Variants in HERC1 observed in about 807,000 individuals in gnomAD.
HERC1 encodes the protein probable E3 ubiquitin-protein ligase HERC1.
HERC1 carries 160 observed loss-of-function variants against 554.3 expected under a neutral mutation model. The ratio of observed to expected loss-of-function variants is 0.29; its 90% CI spans 0.25 to 0.33. The LOEUF is 0.33. HERC1 is among the 10% of genes least tolerant of loss of function. The probability of loss-of-function intolerance (pLI) is 1.00; values close to 1 mark genes in which losing one functional copy is unlikely to be tolerated. For synonymous variants in HERC1, 2,175 were observed against 2,131.7 expected (o/e 1.02, Z -0.56); for missense variants, 4,919 against 5,918.5 (o/e 0.83, Z 5.54).
At chr15:63,821,370 T>C (rs1037294596) in intron 1 of HERC1, among the ~76,000 whole-genome samples, 1 of 151,500 alleles carries the variant, frequency 6.6e-6, no homozygotes, top group Non-Finnish European at 1.5e-5. Context: ...CTGACCAACA[T>C]AGCAAAACCC....
chr15:63,744,164 G>GTGTGTCTCTCTCTCTCTCTCTCTC, intron 12 of HERC1, among the ~76,000 whole-genome samples: 13 of 46,208 alleles, frequency 2.8e-4, no homozygotes, highest in Non-Finnish European at 5.8e-4. Context: ...GTGTGTGTGT[G>GTGTGTCTCTCTCTCTCTCTCTCTC]TCTCTCTCTC....
At chr15:63,784,960 C>T (rs1430031136) in intron 1 of HERC1, among the ~76,000 whole-genome samples, 1 of 152,062 alleles carries the variant, frequency 6.6e-6, no homozygotes, top group South Asian at 2.1e-4. Context: ...CAAAACAAGG[C>T]AAAACCTAAA....
intron 24 of HERC1, among the ~76,000 whole-genome samples, chr15:63,708,036 G>C (rs554768274): frequency 1.3e-5 from 2 of 151,282 alleles, no homozygotes; most frequent in Non-Finnish European, 2.9e-5. Context: ...TGTACCCCTG[G>C]TGCAGATAAA....
At chr15:63,621,121 G>A (rs914226171) in intron 74 of HERC1, among the ~76,000 whole-genome samples, 7 of 152,262 alleles carry the variant, frequency 4.6e-5, no homozygotes, top group African/African-American at 1.7e-4. Context: ...TGTTTTTGCA[G>A]TGGCTGGTAC....
At chr15:63,679,444 G>A (rs909743991) in intron 36 of HERC1, among the ~76,000 whole-genome samples, 1 of 152,150 alleles carries the variant, frequency 6.6e-6, no homozygotes, top group East Asian at 1.9e-4. Flanking sequence ...AAACCTGAAA[G>A]CTTCTACTAC....
At chr15:63,760,871 C>T (rs2075588643) in intron 3 of HERC1, among the ~76,000 whole-genome samples, 1 of 151,986 alleles carries the variant, frequency 6.6e-6, no homozygotes, top group African/African-American at 2.4e-5. Context: ...AATATCAAGA[C>T]ATATTCTATA....
intron 22 of HERC1, among the ~76,000 whole-genome samples, chr15:63,715,517 T>A (rs914675682): frequency 6.6e-6 from 1 of 152,210 alleles, no homozygotes; most frequent in African/African-American, 2.4e-5. Context: ...TAGTCTTGTT[T>A]CAAGCCCCCT....
At chr15:63,622,790 A>T in intron 74 of HERC1, 25 bp downstream of exon 74, 1 of 1,536,682 alleles carries the variant, frequency 6.5e-7, no homozygotes, top group South Asian at 1.2e-5. Flanking sequence ...TTAGACATAT[A>T]ATGAACACTT....
intron 51 of HERC1, among the ~76,000 whole-genome samples, chr15:63,653,523 T>C (rs1393228311): frequency 6.6e-6 from 1 of 152,212 alleles, no homozygotes; most frequent in Non-Finnish European, 1.5e-5. Flanking sequence ...GTGAGGCCAA[T>C]TTCTTTTCCT....
chr15:63,712,304 A>C (rs2073338965), intron 24 of HERC1, among the ~76,000 whole-genome samples: 1 of 152,220 alleles, frequency 6.6e-6, no homozygotes, highest in African/African-American at 2.4e-5. Flanking sequence ...AGGAGAGGAC[A>C]TTGGAGACAC....
At chr15:63,773,154 C>T (rs1360439904) in intron 2 of HERC1, among the ~76,000 whole-genome samples, 1 of 152,076 alleles carries the variant, frequency 6.6e-6, no homozygotes, top group Non-Finnish European at 1.5e-5. Context: ...AAAGACTAAT[C>T]AATGTAGGCC....
chr15:63,627,700 C>T (rs919287685), intron 70 of HERC1, among the ~76,000 whole-genome samples: 1 of 150,206 alleles, frequency 6.7e-6, no homozygotes, highest in Admixed American at 6.6e-5. Context: ...AGGAAACTGC[C>T]CAAATATGAA....
At chr15:63,707,928 C>CA (rs71131176) in intron 24 of HERC1, among the ~76,000 whole-genome samples, 783 of 54,880 alleles carry the variant, frequency 0.014, 12 homozygotes, top group East Asian at 0.066. Context: ...GACTCCCTCT[C>CA]AAAAAAAAAA....
chr15:63,714,119 G>A (rs985639294), intron 22 of HERC1, among the ~76,000 whole-genome samples: 5 of 151,898 alleles, frequency 3.3e-5, no homozygotes, highest in African/African-American at 1.2e-4. Flanking sequence ...AAAAGCCTGT[G>A]AAGCACAAGG....
chr15:63,811,258 C>T (rs191718488), intron 1 of HERC1, among the ~76,000 whole-genome samples: 38 of 152,240 alleles, frequency 2.5e-4, no homozygotes, highest in African/African-American at 7.7e-4. Flanking sequence ...TGTCCTTCTT[C>T]TTAGAAGATA....
chr15:63,661,906 G>A lies in HERC1; in HGVS notation c.9017C>T (p.Ala3006Val). 6.2e-7 allele frequency: 1 copy of A among 1,613,988 alleles called. No homozygotes were observed. Among genetic ancestry groups the A allele is most frequent in the Non-Finnish European group, 8.5e-7 (1 of 1,179,898 alleles). Residue 3006 changes from alanine to valine, a missense_variant, in exon 45 of 78, where the codon GCA (alanine) becomes GTA (valine). Physicochemically the swap from Ala to Val is moderately conservative, Grantham distance 64 (BLOSUM62 0). This residue lies in a region of HERC1 where 1,963 missense variants were observed against 2,228.6 expected (regional missense o/e 0.88). Coordinates refer to ENST00000443617, the MANE Select transcript of HERC1 (RefSeq NM_003922.4). Reference protein sequence around the residue: ...KRNHPGCGRSANRQGYRSNGS... With the variant: ...KRNHPGCGRSVNRQGYRSNGS... ...ATTGCTGCGATAGCCCTGGCGGTTT[G>A]CACTGCGCCCACAGCCTGGATGGTT...
intron 2 of HERC1, 54 bp downstream of exon 2, chr15:63,774,640 T>A (rs569225346): frequency 4.4e-6 from 6 of 1,353,828 alleles, no homozygotes; most frequent in Non-Finnish European, 3.0e-6. Flanking sequence ...AAAAACTGCA[T>A]TGACTTTTCC....
At chr15:63,670,915 C>T (rs938226711) in intron 39 of HERC1, among the ~76,000 whole-genome samples, 1 of 151,674 alleles carries the variant, frequency 6.6e-6, no homozygotes, top group Non-Finnish European at 1.5e-5. Context: ...AAAAAATTAG[C>T]GAGGGGCCAG....
chr15:63,765,932 G>A (rs1293343164), intron 2 of HERC1, among the ~76,000 whole-genome samples: 1 of 151,972 alleles, frequency 6.6e-6, no homozygotes, highest in East Asian at 1.9e-4. Flanking sequence ...TAAACTGATA[G>A]AGAAAGATCA....
Sources: allele counts gnomAD v4.1 joint callset (sites outside exome capture counted in the v4.1 genomes callset), GRCh38; gene constraint gnomAD v4.1.1; regional missense constraint gnomAD v4.1.1; transcripts MANE v1.5; gene names NCBI Gene and HGNC (gene_info 2026-07-23, HGNC 2026-07-21).